PPP1R14C: variants seen among roughly 807,000 people sequenced by gnomAD.
PPP1R14C encodes the protein protein phosphatase 1 regulatory subunit 14C.
Under a neutral mutation model 20.4 loss-of-function variants are expected in PPP1R14C, and 16 were observed. The ratio of observed to expected loss-of-function variants is 0.78; its 90% CI spans 0.53 to 1.19. The LOEUF (loss-of-function observed/expected upper bound fraction) is 1.19. PPP1R14C is among the 50% of genes most tolerant of loss of function. The pLI is 0.00. For missense variants in PPP1R14C, 211 were observed against 220.1 expected (o/e 0.96, Z 0.26); for synonymous variants, 91 against 91.0 (o/e 1.00, Z 0.00).
intron 1 of PPP1R14C, among the ~76,000 whole-genome samples, chr6:150,168,534 A>AACAAAACAAAACAAG (rs1181901812): frequency 2.3e-5 from 1 of 43,878 alleles, no homozygotes; most frequent in African/African-American, 6.8e-5. Flanking sequence ...CTCCCGTCTC[A>AACAAAACAAAACAAG]ACAAAACAAA....
At chr6:150,209,812 T>G (rs76271635) in intron 1 of PPP1R14C, among the ~76,000 whole-genome samples, 22,853 of 150,908 alleles carry the variant, frequency 0.15, 1,968 homozygotes, top group African/African-American at 0.24. Flanking sequence ...AGTGTTTATA[T>G]TCATGTGTGT....
At chr6:150,234,894 G>A (rs1206514415) in intron 3 of PPP1R14C, among the ~76,000 whole-genome samples, 5 of 137,734 alleles carry the variant, frequency 3.6e-5, no homozygotes, top group Non-Finnish European at 6.2e-5. Flanking sequence ...AACTGCGGAC[G>A]CACACAATAG....
At chr6:150,199,286 T>C (rs1227673180) in intron 1 of PPP1R14C, among the ~76,000 whole-genome samples, 2 of 152,202 alleles carry the variant, frequency 1.3e-5, no homozygotes, top group Admixed American at 6.5e-5. Flanking sequence ...CATTCGAATG[T>C]GTCCCCTCCA....
At chr6:150,166,239 C>T (rs1337287844) in intron 1 of PPP1R14C, among the ~76,000 whole-genome samples, 1 of 152,072 alleles carries the variant, frequency 6.6e-6, no homozygotes, top group Non-Finnish European at 1.5e-5. Context: ...CGCTACCACG[C>T]CCGGCTAATT....
At chr6:150,240,250 G>A (rs1261287580) in intron 3 of PPP1R14C, among the ~76,000 whole-genome samples, 1 of 152,226 alleles carries the variant, frequency 6.6e-6, no homozygotes, top group Admixed American at 6.5e-5. Flanking sequence ...GCACAAGCTT[G>A]TGCCAGTAAA....
chr6:150,222,765 C>CTTTTTTTTTTTT (rs4038164), intron 3 of PPP1R14C, among the ~76,000 whole-genome samples: 17 of 71,278 alleles, frequency 2.4e-4, no homozygotes, highest in East Asian at 5.4e-4. Flanking sequence ...TTCAAACTGG[C>CTTTTTTTTTTTT]TTTTTTTTTT....
chr6:150,201,398 A>G lies in PPP1R14C; in HGVS notation c.307-13346A>G, dbSNP rs1777875781. Among the ~76,000 whole-genome samples, 1 of 152,194 alleles carries G rather than the reference A, an allele frequency of 6.6e-6. No homozygotes were observed. Among genetic ancestry groups the G allele is most frequent in the South Asian group, 2.1e-4 (1 of 4,824 alleles). ...TTTGCTTTAGGAAGTGATGGCTGAC[A>G]CGAGATAACAAGAAGAGTGTCCTAC... On this transcript the variant is annotated intron_variant, in intron 1 of 3. Coordinates refer to ENST00000361131, the MANE Select transcript of PPP1R14C (RefSeq NM_030949.3). This position sits in a 1 kb window ranked among gnomAD's most constrained non-coding sequence, Gnocchi z 4.2.
At chr6:150,144,698 A>G (rs185206386) in intron 1 of PPP1R14C, among the ~76,000 whole-genome samples, 1 of 152,376 alleles carries the variant, frequency 6.6e-6, no homozygotes, top group Admixed American at 6.5e-5. Context: ...TCATTGCACA[A>G]GAAAACAGCA....
chr6:150,167,737 C>T (rs915158192), intron 1 of PPP1R14C, among the ~76,000 whole-genome samples: 10 of 151,982 alleles, frequency 6.6e-5, no homozygotes, highest in Admixed American at 1.3e-4. Context: ...GAGCGTGTCC[C>T]GAGAGGCAGT....
intron 1 of PPP1R14C, among the ~76,000 whole-genome samples, chr6:150,179,178 G>C (rs1432812316): frequency 6.6e-6 from 1 of 152,152 alleles, no homozygotes; most frequent in African/African-American, 2.4e-5. Flanking sequence ...GGCCAAGCTA[G>C]GGGCGCTGCT....
At chr6:150,161,757 A>G (rs1042273618) in intron 1 of PPP1R14C, among the ~76,000 whole-genome samples, 1 of 152,242 alleles carries the variant, frequency 6.6e-6, no homozygotes, top group Non-Finnish European at 1.5e-5. Context: ...CTAGTTACTT[A>G]GGTCAGTACC....
intron 3 of PPP1R14C, among the ~76,000 whole-genome samples, chr6:150,244,537 A>G (rs1357681705): frequency 6.6e-6 from 1 of 152,156 alleles, no homozygotes; most frequent in Non-Finnish European, 1.5e-5. Context: ...GCATCTGTAC[A>G]TCCCAACAGA....
Position 150,143,568 on chromosome 6 carries a change from C to A in PPP1R14C, c.306+70C>A, listed in dbSNP as rs1197834850. 8.7e-7 allele frequency: 1 copy of A among 1,151,302 alleles called. No homozygotes were observed. Among genetic ancestry groups the A allele is most frequent in the Non-Finnish European group, 1.2e-6 (1 of 818,620 alleles). 71.3% of individuals were successfully genotyped at this position (1,151,302 alleles called of 1,614,324 possible). A position where few individuals can be genotyped will look rare whatever the true frequency, so the allele number is the denominator to read the frequency against. On this transcript the variant is annotated intron_variant, in intron 1 of 3. Transcript: ENST00000361131. The surrounding 1 kb of genome is among the most constrained non-coding windows in gnomAD (Gnocchi z 5.6). ...CTCTGTGCCCGCGCAGTAATTTTCC[C>A]GGGCTCCAGCTCCGGGGCGCGCATG...
chr6:150,162,539 A>G (rs930550085), intron 1 of PPP1R14C, among the ~76,000 whole-genome samples: 4 of 151,816 alleles, frequency 2.6e-5, no homozygotes, highest in Admixed American at 2.6e-4. Context: ...CCATCTTTTT[A>G]TGGCTGAATA....
intron 1 of PPP1R14C, among the ~76,000 whole-genome samples, chr6:150,190,676 C>T (rs973168758): frequency 1.2e-4 from 18 of 152,108 alleles, no homozygotes; most frequent in Non-Finnish European, 1.5e-4. Flanking sequence ...CCACTCTCCT[C>T]GGCCTCTTAA....
chr6:150,204,165 C>T (rs1390794263), intron 1 of PPP1R14C, among the ~76,000 whole-genome samples: 1 of 152,214 alleles, frequency 6.6e-6, no homozygotes, highest in Non-Finnish European at 1.5e-5. Context: ...TTCTCAGTGT[C>T]CTCGTTTATG....
At chr6:150,200,282 C>G (rs997114050) in intron 1 of PPP1R14C, among the ~76,000 whole-genome samples, 1 of 148,608 alleles carries the variant, frequency 6.7e-6, no homozygotes, top group African/African-American at 2.5e-5. Context: ...AGTTAACTTT[C>G]TGAAGTACAG....
chr6:150,235,586 C>T (rs746585255), intron 3 of PPP1R14C, among the ~76,000 whole-genome samples: 6 of 152,190 alleles, frequency 3.9e-5, no homozygotes, highest in Non-Finnish European at 7.3e-5. Flanking sequence ...GGGCACTGGA[C>T]GTGCCAATGA....
intron 3 of PPP1R14C, among the ~76,000 whole-genome samples, chr6:150,220,104 C>T (rs1305482605): frequency 6.6e-6 from 1 of 152,202 alleles, no homozygotes. Flanking sequence ...ATCCACCCAC[C>T]TTGGCCTTCC....
Sources: gnomAD v4.1 joint callset for allele counts (sites outside exome capture counted in the v4.1 genomes callset) on GRCh38, gnomAD v4.1.1 for gene constraint, Gnocchi (gnomAD v3.1) non-coding constraint, MANE v1.5 for transcripts, NCBI Gene and HGNC (gene_info 2026-07-23, HGNC 2026-07-21) for gene names.